CHAF1A: variants seen among roughly 807,000 people sequenced by gnomAD.
CHAF1A encodes the protein CAF-1 subunit A.
Under a neutral mutation model 93.2 loss-of-function variants are expected in CHAF1A, and 5 were observed. The ratio of observed to expected loss-of-function variants is 0.05; its 90% CI spans 0.03 to 0.11. The LOEUF is 0.11. CHAF1A is among the 10% of genes least tolerant of loss of function. The pLI, the probability that CHAF1A is intolerant of heterozygous loss-of-function variation, is 1.00. For missense variants in CHAF1A, 1,102 were observed against 1,259.9 expected, an observed-to-expected ratio of 0.87 and a Z score of 1.90; for synonymous variants, 504 against 510.3, an observed-to-expected ratio of 0.99 and a Z score of 0.17.
intron 3 of CHAF1A, among the ~76,000 whole-genome samples, chr19:4,412,437 CGGAGGCTGAGGCG>C (rs1973822758): frequency 6.6e-6 from 1 of 152,098 alleles, no homozygotes; most frequent in African/African-American, 2.4e-5. Context: ...CCAGCTACGC[CGGAGGCTGAGGCG>C]GGAGAACCGC....
chr19:4,440,657 G>A (rs180889447), intron 13 of CHAF1A, among the ~76,000 whole-genome samples: 4 of 152,118 alleles, frequency 2.6e-5, no homozygotes, highest in African/African-American at 9.6e-5. Flanking sequence ...TCATGGTTGG[G>A]TGGGGCTAGG....
At position 4,404,155 on chromosome 19, in the gene CHAF1A, C is replaced by T. The variant is rs1020230827; in HGVS notation, c.52+1341C>T. Among the ~76,000 whole-genome samples the T allele has an allele frequency of 1.2e-4, 19 of 152,252 alleles. No homozygotes were observed. In the East Asian group the frequency reaches 2.5e-3, roughly 20 times the overall value. On this transcript the variant is annotated intron_variant, in intron 1 of 14. Coordinates refer to ENST00000301280, the MANE Select transcript of CHAF1A (RefSeq NM_005483.3). ...AACTTTAAAAAAAAAAATCGCTACT[C>T]GCTAGGACCATGCTATCATGAAAGG...
In CHAF1A at chr19:4,402,766, C is replaced by T; in HGVS notation, c.4C>T (p.Leu2=). The stretch of plus-strand genomic sequence containing the variant: ...AGGTCGAGCTGCCGCCGGGGCGATG[C>T]TGGAGGAGCTGGAGTGCGGGGCGCC... The part of the protein sequence containing the change: M[L]EELECGAPGA... Residue 2 remains leucine, a synonymous_variant, in exon 1 of 15, where the codon CTG becomes TTG. Transcript: ENST00000301280. 2.5e-6 allele frequency: 3 copies of T among 1,203,982 alleles called. No homozygotes were observed. The highest frequency in any genetic ancestry group is 3.4e-5 in the East Asian group (1 of 29,100). The allele number at this position is 1,203,982 out of a possible 1,614,324, so 74.6% of individuals were successfully genotyped here. A position where few individuals can be genotyped will look rare whatever the true frequency, so the allele number is the denominator to read the frequency against.
At position 4,410,120 on chromosome 19, in the gene CHAF1A, G is replaced by A. The variant is rs572622805; in HGVS notation, c.960+361G>A. Among the ~76,000 whole-genome samples, 4 of 152,266 alleles carry A rather than the reference G, an allele frequency of 2.6e-5. No individual in the cohort carries two copies. The South Asian group carries it at 8.3e-4, about 32-fold the overall frequency. On this transcript the variant is annotated intron_variant, in intron 3 of 14. Coordinates refer to ENST00000301280, the MANE Select transcript of CHAF1A (RefSeq NM_005483.3). ...AGATTCGAGGTCCAGCTTTCTCTGTGCCCTTCCTGTCTAAGCATAGAAATG... is the reference window on the plus strand; with the variant it reads ...AGATTCGAGGTCCAGCTTTCTCTGTACCCTTCCTGTCTAAGCATAGAAATG...
chr19:4,439,654 C>G (rs948507212), intron 13 of CHAF1A, among the ~76,000 whole-genome samples: 1 of 152,244 alleles, frequency 6.6e-6, no homozygotes, highest in Admixed American at 6.5e-5. Context: ...TTAACGTCCC[C>G]AGACACCTCC....
At chr19:4,430,723 G>T in intron 11 of CHAF1A, 82 bp downstream of exon 11, 1 of 1,453,402 alleles carries the variant, frequency 6.9e-7, no homozygotes, top group Non-Finnish European at 9.6e-7. Flanking sequence ...CTGGGAGGGT[G>T]ACGGGGGTCC....
intron 3 of CHAF1A, among the ~76,000 whole-genome samples, 190 bp from the exon 4 acceptor site, chr19:4,417,830 A>G (rs1046209053): frequency 6.6e-6 from 1 of 151,960 alleles, no homozygotes; most frequent in Non-Finnish European, 1.5e-5. Context: ...TCATTTCTTT[A>G]TCTGCCTCCG....
In CHAF1A at chr19:4,408,954, A is replaced by G; in HGVS notation, c.155A>G (p.Asp52Gly). ...CTTGTCCCAAAGGGGAAAGCCGATG[A>G]CATGTCAGACGATCAGGGTACTTCT... The part of the protein sequence containing the change: ...LNLVPKGKAD[D>G]MSDDQGTSVQ... Residue 52 changes from aspartate to glycine, a missense_variant, in exon 3 of 15, where the codon GAC (aspartate) becomes GGC (glycine). By Grantham distance (94) the Asp-to-Gly change is moderately conservative. Around this residue, in one of 6 missense-constraint regions of CHAF1A, gnomAD observed 379 missense variants for 365.7 expected, o/e 1.04. Coordinates refer to ENST00000301280, the MANE Select transcript of CHAF1A (RefSeq NM_005483.3). 1 of 1,613,558 alleles carries G rather than the reference A, an allele frequency of 6.2e-7. No individual in the cohort carries two copies.
At chr19:4,403,349 C>T (rs1052980551) in intron 1 of CHAF1A, among the ~76,000 whole-genome samples, 1 of 152,234 alleles carries the variant, frequency 6.6e-6, no homozygotes, top group East Asian at 1.9e-4. Flanking sequence ...CCGTGACTTC[C>T]TCCTCCGTGT....
rs1415556301 is a variant in CHAF1A at position 4,433,985 on chromosome 19, C to T, written c.2673+446C>T. Among the ~76,000 whole-genome samples the T allele has an allele frequency of 2.6e-5, 4 of 152,098 alleles. No individual in the cohort carries two copies. The highest frequency in any genetic ancestry group is 5.9e-5 in the Non-Finnish European group (4 of 68,026). On this transcript the variant is annotated intron_variant, in intron 13 of 14. Coordinates refer to ENST00000301280, the MANE Select transcript of CHAF1A (RefSeq NM_005483.3). The surrounding 1 kb of genome is among the most constrained non-coding windows in gnomAD (Gnocchi z 5.6). The stretch of plus-strand genomic sequence containing the variant: ...TTGGAAGGTACAGAAAGTTCCCATA[C>T]ACCTCCTTCCCCAAAGCCAAGCCAA...
downstream of CHAF1A, chr19:4,446,134 C>T: frequency 1.9e-6 from 3 of 1,612,328 alleles, no homozygotes; most frequent in Non-Finnish European, 1.7e-6. Context: ...CAGCCAGTCG[C>T]TCTGCAGGGC....
intron 11 of CHAF1A, among the ~76,000 whole-genome samples, chr19:4,431,740 G>A (rs772912515): frequency 9.2e-5 from 14 of 152,152 alleles, no homozygotes; most frequent in South Asian, 2.1e-4. Flanking sequence ...TATCTGTGAC[G>A]CTCCCAAAGG....
chr19:4,416,385 A>G (rs1973897927), intron 3 of CHAF1A, among the ~76,000 whole-genome samples: 1 of 152,134 alleles, frequency 6.6e-6, no homozygotes, highest in Non-Finnish European at 1.5e-5. Flanking sequence ...GGTGGGAGAT[A>G]GCTTAGGCCA....
chr19:4,429,275 C>A, intron 8 of CHAF1A, 163 bp from the exon 9 acceptor site: 1 of 779,868 alleles, frequency 1.3e-6, no homozygotes. Context: ...TCTGTCCCTT[C>A]AGTCCATGTT....
At chr19:4,442,790 T>A (rs1376819461) in intron 14 of CHAF1A, 135 bp from the exon 15 acceptor site, 6 of 636,948 alleles carry the variant, frequency 9.4e-6, no homozygotes, top group Non-Finnish European at 1.6e-5. Flanking sequence ...CCCCAGCCTC[T>A]GCCTGTCCCC....
chr19:4,417,904 C>A, intron 3 of CHAF1A, 116 bp from the exon 4 acceptor site: 1 of 640,572 alleles, frequency 1.6e-6, no homozygotes, highest in East Asian at 2.8e-5. Context: ...AGTTTGTGAC[C>A]CTATTATGAC....
chr19:4,447,662 A>AGG, downstream of CHAF1A: 1 of 1,609,710 alleles, frequency 6.2e-7, no homozygotes, highest in Non-Finnish European at 8.5e-7. Context: ...GGCACAGCCC[A>AGG]GGCTGCCCAC....
rs140740320 is a variant in CHAF1A, at chr19:4,416,399, T to C, written c.961-1621T>C. ...CGGTGGGAGATAGCTTAGGCCAAAGTCCAGACTCCCTGTTCGTCTTCCTTC... is the reference window on the plus strand; with the variant it reads ...CGGTGGGAGATAGCTTAGGCCAAAGCCCAGACTCCCTGTTCGTCTTCCTTC... On this transcript the variant is annotated intron_variant, in intron 3 of 14. Coordinates refer to ENST00000301280, the MANE Select transcript of CHAF1A (RefSeq NM_005483.3). 3.6e-3 allele frequency among the ~76,000 whole-genome samples: 541 copies of C among 152,334 alleles called. 4 individuals are homozygous for C. The highest frequency in any genetic ancestry group is 0.012 in the African/African-American group (510 of 41,574).
In CHAF1A at chr19:4,422,883, A is replaced by T; in HGVS notation, c.1247+88A>T. 1 of 1,254,734 alleles carries T rather than the reference A, an allele frequency of 8.0e-7. No homozygotes were observed. Among genetic ancestry groups the T allele is most frequent in the Non-Finnish European group, 1.1e-6 (1 of 885,264 alleles). 77.7% of individuals were successfully genotyped at this position (1,254,734 alleles called of 1,614,324 possible). A position where few individuals can be genotyped will look rare whatever the true frequency, so the allele number is the denominator to read the frequency against. On this transcript the variant is annotated intron_variant, in intron 5 of 14. Transcript: ENST00000301280. This position sits in a 1 kb window ranked among gnomAD's most constrained non-coding sequence, Gnocchi z 4.6. ...CTCTGATGGGGCCTTTCCACTTCAC[A>T]GGCAGATGGCGGCTCCCTTCAGTTC...
Sources: allele counts gnomAD v4.1 joint callset (sites outside exome capture counted in the v4.1 genomes callset), GRCh38; gene constraint gnomAD v4.1.1; regional missense constraint gnomAD v4.1.1; non-coding constraint Gnocchi (gnomAD v3.1); transcripts MANE v1.5; gene names NCBI Gene and HGNC (gene_info 2026-07-23, HGNC 2026-07-21).